The following RAPGEF4 variants were observed in gnomAD, a reference collection of about 807,000 sequenced individuals.
RAPGEF4 encodes the protein Rap guanine nucleotide exchange factor 4, also known as RAP guanine-nucleotide-exchange factor (GEF) 4.
RAPGEF4 carries 66 observed loss-of-function variants against 147.9 expected under a neutral mutation model. The observed-to-expected ratio is 0.45, with a 90% CI of 0.37 to 0.55. The LOEUF is 0.55. RAPGEF4 is among the 20% of genes least tolerant of loss of function. RAPGEF4 has a pLI of 0.00. For missense variants in RAPGEF4, 1,071 were observed against 1,257.3 expected (o/e 0.85, Z 2.24); for synonymous variants, 419 against 442.7 (o/e 0.95, Z 0.67).
At chr2:172,751,061 G>T (rs1695241820) in intron 1 of RAPGEF4, among the ~76,000 whole-genome samples, 1 of 152,090 alleles carries the variant, frequency 6.6e-6, no homozygotes, top group African/African-American at 2.4e-5. Flanking sequence ...AAGAAACTTG[G>T]AATATAGAAA....
chr2:172,992,060 G>A (rs1004162782), intron 15 of RAPGEF4, among the ~76,000 whole-genome samples: 7 of 152,126 alleles, frequency 4.6e-5, no homozygotes, highest in African/African-American at 9.7e-5. Flanking sequence ...AGCTTGACCA[G>A]TTTTCACATG....
Position 173,018,757 on chromosome 2 carries a change from G to A in RAPGEF4, c.2110G>A (p.Gly704Ser). 6.2e-7 allele frequency: 1 copy of A among 1,614,096 alleles called. No homozygotes were observed. Among genetic ancestry groups the A allele is most frequent in the South Asian group, 1.1e-5 (1 of 91,076 alleles). Reference sequence around the variant, plus strand: ...CATCAGTGCAGTTGCCGACAAGCTGGGCTCCGGGGAGGGCCTGATCATAGT... The same window carrying A: ...CATCAGTGCAGTTGCCGACAAGCTGAGCTCCGGGGAGGGCCTGATCATAGT... ...EVISAVADKL[G>S]SGEGLIIVKM... Residue 704 changes from glycine to serine, a missense_variant, in exon 22 of 31, where the codon GGC becomes AGC. Transcript: ENST00000397081.
In RAPGEF4 at chr2:172,787,599, C is replaced by CTTTATTTATTTATTTATTTA. The variant is rs60645567; in HGVS notation, c.66-7407_66-7388dup. Among the ~76,000 whole-genome samples, 728 of 145,460 alleles carry CTTTATTTATTTATTTATTTA rather than the reference C, an allele frequency of 5.0e-3. 3 individuals carry two copies. Among genetic ancestry groups the CTTTATTTATTTATTTATTTA allele is most frequent in the Middle Eastern group, 0.018 (5 of 282 alleles). On this transcript the variant is annotated intron_variant, in intron 1 of 30. Coordinates refer to ENST00000397081, the MANE Select transcript of RAPGEF4 (RefSeq NM_007023.4). ...CTGTTTGGGCTGCTAAAACAAAGTG[C>CTTTATTTATTTATTTATTTA]TTTATTTATTTATTTATTTATTTAT...
At chr2:172,898,918 C>T (rs558121599) in intron 4 of RAPGEF4, among the ~76,000 whole-genome samples, 2 of 152,194 alleles carry the variant, frequency 1.3e-5, no homozygotes, top group African/African-American at 4.8e-5. Flanking sequence ...GGCACTCCTC[C>T]ACTCCCTCAG....
At chr2:172,949,599 A>G (rs1026833103) in intron 6 of RAPGEF4, among the ~76,000 whole-genome samples, 4 of 152,234 alleles carry the variant, frequency 2.6e-5, no homozygotes, top group Non-Finnish European at 5.9e-5. Flanking sequence ...AGCAGTTTCT[A>G]TAGCTTCTCA....
intron 6 of RAPGEF4, among the ~76,000 whole-genome samples, chr2:172,960,396 G>A (rs1182973572): frequency 6.6e-6 from 1 of 152,138 alleles, no homozygotes. Flanking sequence ...CCTGGAGACA[G>A]GTCATTTTAA....
At chr2:173,018,326 G>A (rs1209111627) in intron 21 of RAPGEF4, among the ~76,000 whole-genome samples, 1 of 152,236 alleles carries the variant, frequency 6.6e-6, no homozygotes, top group Non-Finnish European at 1.5e-5. Context: ...GCAGTGATCT[G>A]TGAATTGCCT....
intron 1 of RAPGEF4, among the ~76,000 whole-genome samples, chr2:172,762,850 C>T (rs1428177772): frequency 6.6e-6 from 1 of 152,138 alleles, no homozygotes; most frequent in African/African-American, 2.4e-5. Flanking sequence ...ATTGATAAAA[C>T]ACTGATTGTG....
intron 1 of RAPGEF4, among the ~76,000 whole-genome samples, chr2:172,774,174 T>C (rs1321097762): frequency 6.6e-6 from 1 of 152,246 alleles, no homozygotes; most frequent in Non-Finnish European, 1.5e-5. Context: ...AAGCATGACA[T>C]ATGGAGCCCT....
intron 4 of RAPGEF4, among the ~76,000 whole-genome samples, chr2:172,842,958 A>G (rs1024021411): frequency 6.6e-6 from 1 of 152,184 alleles, no homozygotes; most frequent in African/African-American, 2.4e-5. Context: ...CTGGATAATC[A>G]TGTTGGGTGG....
In RAPGEF4 at chr2:172,843,434, A is replaced by G. The variant is rs557022057; in HGVS notation, c.444+29009A>G. ...CTCCCACAGTGAGTTCTGAACAGAT[A>G]AAGGACATAATTGATTTAAGTGCAT... On this transcript the variant is annotated intron_variant, in intron 4 of 30. Transcript: ENST00000397081. Among the ~76,000 whole-genome samples the G allele has an allele frequency of 2.6e-5, 4 of 152,362 alleles. No individual in the cohort carries two copies. The South Asian group carries it at 6.2e-4, about 24-fold the overall frequency.
intron 15 of RAPGEF4, among the ~76,000 whole-genome samples, chr2:172,994,099 A>G (rs1575467283): frequency 6.6e-6 from 1 of 152,172 alleles, no homozygotes; most frequent in Non-Finnish European, 1.5e-5. Context: ...ACATTTTACA[A>G]ACTGATGTAT....
Position 172,983,527 on chromosome 2 carries a change from A to T in RAPGEF4, c.1036A>T (p.Ile346Phe). ...CCAGAGGACTGTGGATGACCTAGAG[A>T]TTATCTATGAGGAGCTTCTTCATAT... ...PGQRTVDDLE[I>F]IYEELLHIKA... Residue 346 changes from isoleucine (I) to phenylalanine (F), a missense_variant, in exon 11 of 31, where the codon ATT becomes TTT. Ile to Phe is a conservative substitution (Grantham distance 21, BLOSUM62 0). Coordinates refer to ENST00000397081, the MANE Select transcript of RAPGEF4 (RefSeq NM_007023.4). 6.2e-7 allele frequency: 1 copy of T among 1,611,708 alleles called. No individual in the cohort carries two copies. Among genetic ancestry groups the T allele is most frequent in the Non-Finnish European group, 8.5e-7 (1 of 1,179,716 alleles).
At chr2:172,944,699 C>G (rs546456953) in intron 6 of RAPGEF4, among the ~76,000 whole-genome samples, 2 of 152,318 alleles carry the variant, frequency 1.3e-5, no homozygotes, top group South Asian at 4.1e-4. Context: ...TCATCTTCAG[C>G]TGAACATTTC....
intron 6 of RAPGEF4, among the ~76,000 whole-genome samples, chr2:172,933,602 G>A (rs1686215352): frequency 6.6e-6 from 1 of 152,150 alleles, no homozygotes; most frequent in South Asian, 2.1e-4. Context: ...GGACATGCCC[G>A]GGGCATGAAT....
intron 10 of RAPGEF4, among the ~76,000 whole-genome samples, chr2:172,975,321 G>T (rs552605602): frequency 1.3e-5 from 2 of 152,102 alleles, no homozygotes. Context: ...ACTAATATTT[G>T]AATACCACTG....
At chr2:172,933,341 G>A (rs1265597894) in intron 6 of RAPGEF4, among the ~76,000 whole-genome samples, 1 of 152,044 alleles carries the variant, frequency 6.6e-6, no homozygotes, top group Non-Finnish European at 1.5e-5. Flanking sequence ...AAGAGAGAAG[G>A]TACTCAAGGG....
intron 1 of RAPGEF4, among the ~76,000 whole-genome samples, chr2:172,759,449 G>A (rs548010483): frequency 1.3e-5 from 2 of 152,252 alleles, no homozygotes; most frequent in East Asian, 1.9e-4. Flanking sequence ...TGAAATTAGG[G>A]TGTTATTTCT....
chr2:173,012,110 T>C (rs1223119477), intron 17 of RAPGEF4, among the ~76,000 whole-genome samples: 1 of 152,186 alleles, frequency 6.6e-6, no homozygotes, highest in Non-Finnish European at 1.5e-5. Flanking sequence ...TGAGAGAGAA[T>C]TAAATTTGCT....
Sources: gnomAD v4.1 joint callset for allele counts (sites outside exome capture counted in the v4.1 genomes callset) on GRCh38, gnomAD v4.1.1 for gene constraint, MANE v1.5 for transcripts, NCBI Gene and HGNC (gene_info 2026-07-23, HGNC 2026-07-21) for gene names.